The following NAALADL2 variants were observed in gnomAD, a reference collection of about 807,000 sequenced individuals.
The protein encoded by NAALADL2 is inactive N-acetylated-alpha-linked acidic dipeptidase-like protein 2.
In NAALADL2, 76 loss-of-function variants were observed where a neutral mutation model predicts 87.2. The ratio of observed to expected loss-of-function variants is 0.87; its 90% CI spans 0.72 to 1.05. The LOEUF is 1.05. Ranked by LOEUF, NAALADL2 falls within the 50% of genes least tolerant of loss-of-function variation. NAALADL2 has a pLI of 0.00. For missense variants in NAALADL2, 1,089 were observed against 945.8 expected, an observed-to-expected ratio of 1.15 and a Z score of -1.99; for synonymous variants, 354 against 331.0, an observed-to-expected ratio of 1.07 and a Z score of -0.75.
At chr3:175,405,913 C>G (rs567835868) in intron 5 of NAALADL2, among the ~76,000 whole-genome samples, 1 of 152,192 alleles carries the variant, frequency 6.6e-6, no homozygotes, top group South Asian at 2.1e-4. Flanking sequence ...AGATTACTTG[C>G]ATATTTCTTT....
At chr3:174,712,953 C>G (rs546316841) in intron 2 of NAALADL2, among the ~76,000 whole-genome samples, 31 of 152,180 alleles carry the variant, frequency 2.0e-4, no homozygotes, top group African/African-American at 7.0e-4. Flanking sequence ...TGCCTCCCCC[C>G]TCCCCCAACC....
chr3:174,861,266 C>G (rs537809355), intron 1 of NAALADL2, among the ~76,000 whole-genome samples: 3 of 152,064 alleles, frequency 2.0e-5, no homozygotes, highest in South Asian at 2.1e-4. Context: ...CTTAAGAGCA[C>G]CTATTAATCA....
chr3:175,583,543 G>A lies in NAALADL2; in HGVS notation c.1800+7356G>A, dbSNP rs74505093. ...GGGAACCAGGCAACTATCAAAGACT[G>A]GAGGAAATTGATAGTAATCTGGATG... On this transcript the variant is annotated intron_variant, in intron 10 of 13. Coordinates refer to ENST00000454872, the MANE Select transcript of NAALADL2 (RefSeq NM_207015.3). Among the ~76,000 whole-genome samples the A allele has an allele frequency of 4.1e-3, 613 of 151,194 alleles. 4 individuals carry two copies. The highest frequency in any genetic ancestry group is 0.014 in the African/African-American group (562 of 41,262).
At chr3:175,695,222 T>A (rs181384291) in intron 11 of NAALADL2, among the ~76,000 whole-genome samples, 1 of 152,328 alleles carries the variant, frequency 6.6e-6, no homozygotes, top group East Asian at 1.9e-4. Context: ...TTTCTGTTTT[T>A]CTACTCCTTC....
intron 12 of NAALADL2, among the ~76,000 whole-genome samples, chr3:175,738,307 G>A (rs1372591481): frequency 6.6e-6 from 1 of 151,802 alleles, no homozygotes; most frequent in East Asian, 1.9e-4. Flanking sequence ...GAGTGCAGTG[G>A]TGCGATCTCA....
intron 2 of NAALADL2, among the ~76,000 whole-genome samples, chr3:175,192,415 G>A (rs945406464): frequency 2.0e-5 from 3 of 151,902 alleles, no homozygotes; most frequent in African/African-American, 4.8e-5. Context: ...TCATAAATCC[G>A]TTTGTCGTAT....
intron 3 of NAALADL2, among the ~76,000 whole-genome samples, chr3:174,825,593 A>C (rs1721888779): frequency 6.6e-6 from 1 of 152,230 alleles, no homozygotes; most frequent in African/African-American, 2.4e-5. Flanking sequence ...TTTGCCAGCT[A>C]TCTGGGCATC....
chr3:174,715,158 T>C (rs953654702), intron 2 of NAALADL2, among the ~76,000 whole-genome samples: 12 of 152,282 alleles, frequency 7.9e-5, no homozygotes, highest in African/African-American at 2.4e-4. Context: ...GATAAATCTA[T>C]CCAAATCCAA....
At chr3:175,068,247 G>A (rs886614944) in intron 1 of NAALADL2, among the ~76,000 whole-genome samples, 1 of 151,940 alleles carries the variant, frequency 6.6e-6, no homozygotes, top group Admixed American at 6.6e-5. Flanking sequence ...TAAAAGAAAA[G>A]TTGAGCTTGT....
intron 10 of NAALADL2, among the ~76,000 whole-genome samples, chr3:175,588,421 AAAG>A (rs1720858234): frequency 6.7e-6 from 1 of 148,590 alleles, no homozygotes; most frequent in Admixed American, 6.7e-5. Context: ...AGGGGTATAA[AAAG>A]AAGTAAGAAG....
At chr3:175,490,989 A>G (rs1727987988) in intron 9 of NAALADL2, among the ~76,000 whole-genome samples, 1 of 152,116 alleles carries the variant, frequency 6.6e-6, no homozygotes, top group Non-Finnish European at 1.5e-5. Context: ...AAATAAGGTT[A>G]CTTTGAACAA....
At chr3:175,726,578 G>T (rs368100819) in intron 11 of NAALADL2, among the ~76,000 whole-genome samples, 6 of 152,100 alleles carry the variant, frequency 3.9e-5, no homozygotes, top group Non-Finnish European at 8.8e-5. Flanking sequence ...CATCCACAGT[G>T]GTAGCTGTGG....
intron 5 of NAALADL2, among the ~76,000 whole-genome samples, chr3:175,410,103 T>C (rs560825083): frequency 1.3e-5 from 2 of 152,216 alleles, no homozygotes; most frequent in South Asian, 2.1e-4. Flanking sequence ...AGGAAATAAA[T>C]TTATATTGTC....
At chr3:175,214,079 A>G (rs907014390) in intron 2 of NAALADL2, among the ~76,000 whole-genome samples, 10 of 152,180 alleles carry the variant, frequency 6.6e-5, no homozygotes, top group African/African-American at 2.2e-4. Flanking sequence ...ATATGAGCCA[A>G]CATGCCCATT....
intron 3 of NAALADL2, among the ~76,000 whole-genome samples, chr3:174,795,597 A>G (rs1250676436): frequency 6.6e-6 from 1 of 152,152 alleles, no homozygotes; most frequent in African/African-American, 2.4e-5. Flanking sequence ...TATGTTTAAT[A>G]TTTAAGAAGC....
chr3:175,205,526 A>G (rs1740686268), intron 2 of NAALADL2, among the ~76,000 whole-genome samples: 1 of 152,180 alleles, frequency 6.6e-6, no homozygotes, highest in South Asian at 2.1e-4. Flanking sequence ...CTTTCTAGAT[A>G]TTGGCTTAGG....
At chr3:174,549,132 C>T (rs962800627) in intron 1 of NAALADL2, among the ~76,000 whole-genome samples, 13 of 152,302 alleles carry the variant, frequency 8.5e-5, no homozygotes, top group Admixed American at 2.0e-4. Flanking sequence ...TGAGCCACCA[C>T]GTCTGGCTTG....
chr3:174,501,775 A>G (rs1718911858), intron 1 of NAALADL2, among the ~76,000 whole-genome samples: 1 of 151,994 alleles, frequency 6.6e-6, no homozygotes, highest in Non-Finnish European at 1.5e-5. Flanking sequence ...GGTAATTTAT[A>G]TCTTTTTTCT....
intron 5 of NAALADL2, 51 bp downstream of exon 5, chr3:175,324,376 T>A: frequency 6.9e-7 from 1 of 1,441,380 alleles, no homozygotes; most frequent in African/African-American, 1.4e-5. Flanking sequence ...ATTACAAGGT[T>A]GCAATTTATA....
Sources: gnomAD v4.1 joint callset for allele counts (sites outside exome capture counted in the v4.1 genomes callset) on GRCh38, gnomAD v4.1.1 for gene constraint, MANE v1.5 for transcripts, NCBI Gene and HGNC (gene_info 2026-07-23, HGNC 2026-07-21) for gene names.